SAP130: variants seen among roughly 807,000 people sequenced by gnomAD.
The protein encoded by SAP130 is histone deacetylase complex subunit SAP130.
A neutral mutation model predicts 103.2 loss-of-function variants in SAP130; 16 were observed. The ratio of observed to expected loss-of-function variants is 0.16; its 90% CI spans 0.10 to 0.24. The LOEUF (loss-of-function observed/expected upper bound fraction) is 0.24, where lower values mean the gene tolerates loss of function less well. SAP130 is among the 10% of genes least tolerant of loss of function. SAP130 has a pLI of 1.00. For missense variants in SAP130, 990 were observed against 1,359.7 expected, an observed-to-expected ratio of 0.73 and a Z score of 4.28; for synonymous variants, 477 against 497.0, an observed-to-expected ratio of 0.96 and a Z score of 0.53.
intron 2 of SAP130, among the ~76,000 whole-genome samples, chr2:128,024,996 T>C (rs1181208711): frequency 2.4e-5 from 3 of 127,036 alleles, no homozygotes; most frequent in African/African-American, 9.9e-5. Context: ...AGTGAGACCC[T>C]ATTGCGCAAA....
At chr2:128,018,703 G>C (rs2105221809) in intron 2 of SAP130, among the ~76,000 whole-genome samples, 1 of 151,554 alleles carries the variant, frequency 6.6e-6, no homozygotes, top group Non-Finnish European at 1.5e-5. Flanking sequence ...GAGGGAGGAG[G>C]ATCACTTAAC....
At chr2:127,957,255 T>C (rs1383266701) in intron 15 of SAP130, among the ~76,000 whole-genome samples, 3 of 151,984 alleles carry the variant, frequency 2.0e-5, no homozygotes, top group African/African-American at 7.3e-5. Context: ...TGAGCTATAA[T>C]TGTAACACTG....
chr2:127,959,431 T>C (rs1416837135), intron 15 of SAP130, among the ~76,000 whole-genome samples: 2 of 152,196 alleles, frequency 1.3e-5, no homozygotes, highest in African/African-American at 4.8e-5. Flanking sequence ...AGTCTAGACT[T>C]ACCCGGCCAG....
At chr2:127,960,743 C>G (rs554613608) in intron 15 of SAP130, among the ~76,000 whole-genome samples, 4 of 152,190 alleles carry the variant, frequency 2.6e-5, no homozygotes, top group Non-Finnish European at 4.4e-5. Flanking sequence ...ACCACTATAT[C>G]TCAGCATTCT....
At position 127,996,261 on chromosome 2, in the gene SAP130, C is replaced by T; in HGVS notation, c.1355+89G>A. On this transcript the variant is annotated intron_variant, in intron 11 of 20. Coordinates refer to ENST00000643581, the MANE Select transcript of SAP130 (RefSeq NM_001330301.2). This position sits in a 1 kb window ranked among gnomAD's most constrained non-coding sequence, Gnocchi z 4.3. The stretch of plus-strand genomic sequence containing the variant: ...TGAAAACATGAGTAATAAATATAGG[C>T]CATATTTGTGGGACACTTTGTTTTA... 1.7e-6 allele frequency: 2 copies of T among 1,184,418 alleles called. No homozygotes were observed. The highest frequency in any genetic ancestry group is 2.2e-6 in the Non-Finnish European group (2 of 893,134). 73.4% of individuals were successfully genotyped at this position (1,184,418 alleles called of 1,614,324 possible).
At chr2:127,951,750 T>C (rs1679510669) in intron 16 of SAP130, among the ~76,000 whole-genome samples, 1 of 152,228 alleles carries the variant, frequency 6.6e-6, no homozygotes, top group Non-Finnish European at 1.5e-5. Context: ...GGAGACACAC[T>C]ACCATGCTGA....
chr2:127,955,376 A>G lies in SAP130; in HGVS notation c.2064-32T>C. On this transcript the variant is annotated intron_variant, in intron 15 of 20. Transcript: ENST00000643581. This position sits in a 1 kb window ranked among gnomAD's most constrained non-coding sequence, Gnocchi z 4.9. ...CACAAAAGAAAAGCACATGTAGCAA[A>G]TAAGAAAAAAACTGCCTTCATCTAC... 6.7e-7 allele frequency: 1 copy of G among 1,483,734 alleles called. No homozygotes were observed. Among genetic ancestry groups the G allele is most frequent in the Admixed American group, 2.2e-5 (1 of 45,694 alleles). The allele number at this position is 1,483,734 out of a possible 1,614,324, so 91.9% of individuals were successfully genotyped here.
intron 5 of SAP130, among the ~76,000 whole-genome samples, chr2:128,013,686 T>C (rs1375760151): frequency 6.6e-6 from 1 of 152,240 alleles, no homozygotes; most frequent in African/African-American, 2.4e-5. Context: ...CAATCTCCAA[T>C]TGTTGTAAAG....
chr2:128,023,291 T>C (rs1046164227), intron 2 of SAP130, among the ~76,000 whole-genome samples: 4 of 152,012 alleles, frequency 2.6e-5, no homozygotes, highest in African/African-American at 9.7e-5. Flanking sequence ...ACTGTACAAT[T>C]AGCCTGGCCT....
chr2:127,975,711 G>C lies in SAP130; in HGVS notation c.2063+2274C>G, dbSNP rs1419583507. ...AGTATGACTATGAGTGGTGTTGAGTGAATCAGCTAACTGCCATCACACAGA... is the reference window on the plus strand; with the variant it reads ...AGTATGACTATGAGTGGTGTTGAGTCAATCAGCTAACTGCCATCACACAGA... On this transcript the variant is annotated intron_variant, in intron 15 of 20. Transcript: ENST00000643581. Among the ~76,000 whole-genome samples, 4 of 152,264 alleles carry C rather than the reference G, an allele frequency of 2.6e-5. No individual in the cohort carries two copies. The South Asian group carries it at 6.2e-4, about 24-fold the overall frequency.
chr2:128,027,376 CAGCGACCTGCACGTTCAG>C (rs1685594630), intron 1 of SAP130: 1 of 1,145,618 alleles, frequency 8.7e-7, no homozygotes, highest in African/African-American at 1.6e-5. Flanking sequence ...GACCAATCCA[CAGCGACCTGCACGTTCAG>C]AGCCCGCCCC....
intron 6 of SAP130, among the ~76,000 whole-genome samples, chr2:128,011,376 G>C (rs986679573): frequency 6.6e-6 from 1 of 152,052 alleles, no homozygotes; most frequent in Non-Finnish European, 1.5e-5. Flanking sequence ...ATTATTCTTC[G>C]AATCACCTGA....
Position 127,949,937 on chromosome 2 carries a change from C to G in SAP130, c.2729G>C (p.Arg910Pro), listed in dbSNP as rs867289279. The change falls in exon 18 of 21, where the codon CGT becomes CCT. Residue 910 changes from arginine to proline, a missense_variant. By Grantham distance (103) the Arg-to-Pro change is moderately radical. Coordinates refer to ENST00000643581, the MANE Select transcript of SAP130 (RefSeq NM_001330301.2). ...AGCTTTCCAGGGGTTCCGATAGTGA[C>G]GAAGCAAAGTAATGGGGGGTCTTGG... ...VRPRPPITLL[R>P]HYRNPWKAAY... 6.2e-7 allele frequency: 1 copy of G among 1,613,970 alleles called. No individual in the cohort carries two copies. The highest frequency in any genetic ancestry group is 8.5e-7 in the Non-Finnish European group (1 of 1,180,020).
intron 1 of SAP130, chr2:128,027,021 C>A: frequency 7.7e-7 from 1 of 1,306,984 alleles, no homozygotes. Flanking sequence ...GTGAGACCCC[C>A]GTCTCCGGGG....
chr2:128,002,072 G>T (rs149087466), intron 7 of SAP130, among the ~76,000 whole-genome samples: 1 of 151,938 alleles, frequency 6.6e-6, no homozygotes. Flanking sequence ...GACTACAGGC[G>T]CGTGCCACAA....
chr2:128,027,838 C>T (rs1447864233), intron 1 of SAP130, 102 bp downstream of exon 1: 5 of 785,464 alleles, frequency 6.4e-6, no homozygotes, highest in Non-Finnish European at 7.7e-6. Flanking sequence ...ATCCTCTGCC[C>T]TTCCCCGGGG....
rs779481980 is a variant in SAP130, at chr2:127,999,798, T to C, written c.1156A>G (p.Thr386Ala). 17 of 1,537,642 alleles carry C rather than the reference T, an allele frequency of 1.1e-5. No homozygotes were observed. In the Admixed American group the frequency reaches 3.7e-4, roughly 34 times the overall value. Reference sequence around the variant, plus strand: ...GCATGGGAGGAATGGGAGGGTACTGTCATGGTAACAATGGTACTTGTGGGA... The same window carrying C: ...GCATGGGAGGAATGGGAGGGTACTGCCATGGTAACAATGGTACTTGTGGGA... Reference protein sequence around the residue: ...QAPTSTIVTMTVPSHSSHATA... With the variant: ...QAPTSTIVTMAVPSHSSHATA... Residue 386 changes from threonine (T) to alanine (A), a missense_variant, in exon 10 of 21, where the codon ACA (threonine) becomes GCA (alanine). Physicochemically the swap from Thr to Ala is moderately conservative, Grantham distance 58. Around this residue, in one of 6 missense-constraint regions of SAP130, gnomAD observed 336 missense variants for 520.1 expected, o/e 0.65. Transcript: ENST00000643581.
At chr2:127,992,284 G>A (rs1318481925) in intron 12 of SAP130, among the ~76,000 whole-genome samples, 1 of 142,806 alleles carries the variant, frequency 7.0e-6, no homozygotes, top group Non-Finnish European at 1.5e-5. Context: ...AGGCAATAAG[G>A]CTTTTTTTTT....
chr2:127,976,664 C>A (rs1481609072), intron 15 of SAP130, among the ~76,000 whole-genome samples: 1 of 152,244 alleles, frequency 6.6e-6, no homozygotes, highest in Non-Finnish European at 1.5e-5. Flanking sequence ...GTAATCCCAA[C>A]ACTTTGGGAG....
Sources: allele counts gnomAD v4.1 joint callset (sites outside exome capture counted in the v4.1 genomes callset), GRCh38; gene constraint gnomAD v4.1.1; regional missense constraint gnomAD v4.1.1; non-coding constraint Gnocchi (gnomAD v3.1); transcripts MANE v1.5; gene names NCBI Gene and HGNC (gene_info 2026-07-23, HGNC 2026-07-21).